FGD4: variants seen among roughly 807,000 people sequenced by gnomAD.
FGD4 encodes the protein FYVE, RhoGEF and PH domain containing 4.
A neutral mutation model predicts 102.0 loss-of-function variants in FGD4; 42 were observed. The observed-to-expected ratio is 0.41, with a 90% CI of 0.32 to 0.53. The LOEUF (loss-of-function observed/expected upper bound fraction) is 0.53, where lower values mean the gene tolerates loss of function less well. FGD4 is among the 20% of genes least tolerant of loss of function. The probability of loss-of-function intolerance (pLI) is 0.21; values close to 1 mark genes in which losing one functional copy is unlikely to be tolerated. For synonymous variants in FGD4, 380 were observed against 375.7 expected, an observed-to-expected ratio of 1.01 and a Z score of -0.13; for missense variants, 902 against 1,078.2, an observed-to-expected ratio of 0.84 and a Z score of 2.29.
intron 10 of FGD4, among the ~76,000 whole-genome samples, chr12:32,616,819 C>T (rs1949479484): frequency 3.3e-5 from 5 of 152,118 alleles, no homozygotes; most frequent in Admixed American, 2.6e-4. Flanking sequence ...TAATGTAAGC[C>T]ATTTCATGTT....
chr12:32,620,520 C>CTTTCTTTCTTTCTTT (rs1949747434), intron 11 of FGD4, among the ~76,000 whole-genome samples: 17 of 91,130 alleles, frequency 1.9e-4, no homozygotes, highest in African/African-American at 7.9e-4. Context: ...TTTTTTCTTT[C>CTTTCTTTCTTTCTTT]TTTTTTTTTT....
intron 1 of FGD4, among the ~76,000 whole-genome samples, chr12:32,545,162 A>G (rs1288228086): frequency 1.3e-5 from 2 of 152,364 alleles, no homozygotes; most frequent in African/African-American, 2.4e-5. Flanking sequence ...TAGGAAAGCA[A>G]CTGACACAAT....
At chr12:32,597,170 G>A (rs960453565) in intron 4 of FGD4, among the ~76,000 whole-genome samples, 8 of 152,128 alleles carry the variant, frequency 5.3e-5, no homozygotes, top group African/African-American at 1.9e-4. Flanking sequence ...TGGAACAAAG[G>A]AAAGTTTTAG....
chr12:32,522,262 G>A (rs1940625619), intron 1 of FGD4, among the ~76,000 whole-genome samples: 1 of 142,658 alleles, frequency 7.0e-6, no homozygotes, highest in African/African-American at 3.1e-5. Context: ...TGTTGTGGGT[G>A]GGGGTGGATA....
At chr12:32,433,000 T>C (rs1280803262) in intron 1 of FGD4, among the ~76,000 whole-genome samples, 1 of 151,906 alleles carries the variant, frequency 6.6e-6, no homozygotes, top group African/African-American at 2.4e-5. Flanking sequence ...AATAAGATTT[T>C]TTTTTTTTTA....
intron 4 of FGD4, among the ~76,000 whole-genome samples, chr12:32,590,074 G>A (rs1219138849): frequency 6.6e-6 from 1 of 152,008 alleles, no homozygotes; most frequent in African/African-American, 2.4e-5. Flanking sequence ...TTGGGAGGCC[G>A]AGACAGGTGG....
intron 1 of FGD4, among the ~76,000 whole-genome samples, chr12:32,447,974 T>C (rs1942668234): frequency 6.6e-6 from 1 of 152,246 alleles, no homozygotes; most frequent in Admixed American, 6.5e-5. Context: ...TGTTTTTGTG[T>C]CTGTGTTGGG....
rs199510415 is a variant in FGD4, at chr12:32,519,117, A to AG, written c.167-45018dup. 8.1e-3 allele frequency among the ~76,000 whole-genome samples: 802 copies of AG among 99,326 alleles called. 36 individuals are homozygous for AG. Among genetic ancestry groups the AG allele is most frequent in the Middle Eastern group, 0.015 (3 of 202 alleles). 65.2% of individuals were successfully genotyped at this position (99,326 alleles called of 152,430 possible). A position where few individuals can be genotyped will look rare whatever the true frequency, so the allele number is the denominator to read the frequency against. On this transcript the variant is annotated intron_variant, in intron 1 of 16. Transcript: ENST00000534526. ...GGCAACAAAAGCAAAACTCCGTCTC[A>AG]GGAAAAAAAAAAAAAAAAAAAAAAA...
chr12:32,536,575 CTGATT>C (rs1213429107), intron 1 of FGD4, among the ~76,000 whole-genome samples: 1 of 152,162 alleles, frequency 6.6e-6, no homozygotes, highest in African/African-American at 2.4e-5. Flanking sequence ...TGTGTGTTCT[CTGATT>C]TATCTCCCAC....
intron 1 of FGD4, among the ~76,000 whole-genome samples, chr12:32,530,941 GTTTTTTTT>G (rs768536136): frequency 1.1e-4 from 8 of 70,478 alleles, no homozygotes; most frequent in Admixed American, 9.6e-4. Context: ...CCTAGCTTTG[GTTTTTTTT>G]TTTTTTTTTT....
rs573813274 is a variant in FGD4 at position 32,487,161 on chromosome 12, C to T, written c.167-76976C>T. Among the ~76,000 whole-genome samples, 25 of 152,250 alleles carry T rather than the reference C, an allele frequency of 1.6e-4. No individual in the cohort carries two copies. In the South Asian group the frequency reaches 3.5e-3, roughly 21 times the overall value. ...TTCTAAATTCTGTTTTATAAATAATCGTGAGAAGAACATGAATTTGTAAGA... is the reference window on the plus strand; with the variant it reads ...TTCTAAATTCTGTTTTATAAATAATTGTGAGAAGAACATGAATTTGTAAGA... On this transcript the variant is annotated intron_variant, in intron 1 of 16. Coordinates refer to ENST00000534526, the MANE Select transcript of FGD4 (RefSeq NM_001370298.3).
At chr12:32,459,497 A>G (rs1943042045) in intron 1 of FGD4, among the ~76,000 whole-genome samples, 1 of 151,990 alleles carries the variant, frequency 6.6e-6, no homozygotes, top group Non-Finnish European at 1.5e-5. Flanking sequence ...CTGGCCAGAC[A>G]CTGCTATTTA....
At chr12:32,563,924 A>C (rs1944942634) in intron 1 of FGD4, among the ~76,000 whole-genome samples, 2 of 149,394 alleles carry the variant, frequency 1.3e-5, no homozygotes, top group South Asian at 4.3e-4. Context: ...TCAGGCAGGG[A>C]GGTTGCAGTG....
At chr12:32,496,613 A>G (rs1354982963) in intron 1 of FGD4, among the ~76,000 whole-genome samples, 2 of 152,056 alleles carry the variant, frequency 1.3e-5, no homozygotes, top group African/African-American at 4.8e-5. Flanking sequence ...CCTATTTTAC[A>G]CTCCACACGT....
At chr12:32,555,673 G>T (rs1215937949) in intron 1 of FGD4, among the ~76,000 whole-genome samples, 1 of 145,572 alleles carries the variant, frequency 6.9e-6, no homozygotes, top group Non-Finnish European at 1.5e-5. Context: ...CCGGTTTCAC[G>T]CCATTCTCCT....
intron 1 of FGD4, among the ~76,000 whole-genome samples, chr12:32,523,944 C>T (rs1940827748): frequency 6.6e-6 from 1 of 152,082 alleles, no homozygotes. Flanking sequence ...TGCCACTGCA[C>T]TCCAGCCTGG....
intron 1 of FGD4, among the ~76,000 whole-genome samples, chr12:32,452,336 T>A (rs1321560803): frequency 2.6e-5 from 4 of 152,240 alleles, no homozygotes; most frequent in African/African-American, 9.6e-5. Context: ...TCAATCGTAA[T>A]GAATCTAGTG....
intron 9 of FGD4, 66 bp from the exon 10 acceptor site, chr12:32,611,071 A>G (rs1248125020): frequency 1.3e-6 from 2 of 1,581,546 alleles, no homozygotes; most frequent in Non-Finnish European, 8.7e-7. Context: ...AGTTAAGGTC[A>G]TAGTATTATT....
At chr12:32,534,200 C>A in intron 1 of FGD4, 1 of 776,700 alleles carries the variant, frequency 1.3e-6, no homozygotes, top group Non-Finnish European at 1.7e-6. Flanking sequence ...AAATAGAAGT[C>A]TCTCTGTGCT....
Sources: gnomAD v4.1 joint callset for allele counts (sites outside exome capture counted in the v4.1 genomes callset) on GRCh38, gnomAD v4.1.1 for gene constraint, MANE v1.5 for transcripts, NCBI Gene and HGNC (gene_info 2026-07-23, HGNC 2026-07-21) for gene names.